NKX6-3: variants seen among roughly 807,000 people sequenced by gnomAD.
NKX6-3 encodes homeobox protein Nkx-6.3.
NKX6-3 carries 17 observed loss-of-function variants against 22.0 expected under a neutral mutation model. The ratio of observed to expected loss-of-function variants is 0.77; its 90% CI spans 0.53 to 1.16. The LOEUF is 1.16. Among genes scored for constraint, NKX6-3 ranks in the 50% most tolerant of loss-of-function variants. The pLI is 0.00. For missense variants in NKX6-3, 363 were observed against 359.0 expected (o/e 1.01, Z -0.09); for synonymous variants, 177 against 167.2 (o/e 1.06, Z -0.45).
At position 41,646,675 on chromosome 8, in the gene NKX6-3, C is replaced by T. The variant is rs748536739; in HGVS notation, c.572G>A (p.Arg191Lys). 1 of 1,542,772 alleles carries T rather than the reference C, an allele frequency of 6.5e-7. No individual in the cohort carries two copies. Among genetic ancestry groups the T allele is most frequent in the South Asian group, 1.2e-5 (1 of 83,976 alleles). Residue 191 changes from arginine to lysine, a missense_variant, in exon 3 of 3, where the codon AGG (arginine) becomes AAG (lysine). Transcript: ENST00000518699. ...GGCGCTCTTCTTCCGCCACTTGGTC[C>T]TGCGGTTCTGGAACCACACCTGCGA... ...SQVKVWFQNR[R>K]TKWRKKSALE...
At position 41,650,264 on chromosome 8, in the gene NKX6-3, C is replaced by T. The variant is rs550795574; in HGVS notation, c.229G>A (p.Val77Met). The T allele has an allele frequency of 4.1e-5, 63 of 1,533,450 alleles. 2 individuals carry two copies. In the South Asian group the frequency reaches 7.1e-4, roughly 17 times the overall value. 95.0% of individuals were successfully genotyped at this position (1,533,450 alleles called of 1,614,324 possible). ...NNSLLSGYPH[V>M]AGFGGLSSQG... ...GAGCTGAGCCCCCCAAAGCCTGCCA[C>T]GTGGGGGTAGCCGGAGAGGAGGCTG... Residue 77 changes from valine to methionine, a missense_variant, in exon 1 of 3, where the codon GTG becomes ATG. Physicochemically the swap from Val to Met is conservative, Grantham distance 21. Transcript: ENST00000518699.
In NKX6-3 at chr8:41,645,936, T is replaced by C. The variant is rs1263690333; in HGVS notation, c.*513A>G. 1.1e-5 allele frequency: 2 copies of C among 181,484 alleles called. No individual in the cohort carries two copies. The highest frequency in any genetic ancestry group is 2.3e-5 in the Non-Finnish European group (2 of 88,432). 11.2% of individuals were successfully genotyped at this position (181,484 alleles called of 1,614,324 possible). On this transcript the variant is annotated 3_prime_UTR_variant, in exon 3 of 3. Coordinates refer to ENST00000518699, the MANE Select transcript of NKX6-3 (RefSeq NM_001364841.2). Reference sequence around the variant, plus strand: ...TGAGGAGTGCACCTGGCCACTCACCTGTCTTTTCTTCTGCAGCCAGCAGCT... The same window carrying C: ...TGAGGAGTGCACCTGGCCACTCACCCGTCTTTTCTTCTGCAGCCAGCAGCT...
At chr8:41,647,272 G>A in intron 2 of NKX6-3, 3 of 1,608,670 alleles carry the variant, frequency 1.9e-6, no homozygotes, top group South Asian at 1.1e-5. Flanking sequence ...CGGCTGATGA[G>A]GAGGGCGCAG....
intron 1 of NKX6-3, among the ~76,000 whole-genome samples, chr8:41,649,484 G>T (rs910409390): frequency 2.0e-5 from 3 of 152,194 alleles, no homozygotes; most frequent in Admixed American, 2.0e-4. Context: ...TGAGGGATGG[G>T]TCGGCTGAGA....
chr8:41,648,323 C>A, intron 1 of NKX6-3, 88 bp from the exon 2 acceptor site: 2 of 1,147,950 alleles, frequency 1.7e-6, no homozygotes, highest in Non-Finnish European at 2.4e-6. Context: ...CCATGCCTGC[C>A]CCTCTCCCTC....
At position 41,646,347 on chromosome 8, in the gene NKX6-3, A is replaced by T; in HGVS notation, c.*102T>A. 2.1e-6 allele frequency: 3 copies of T among 1,422,150 alleles called. No individual in the cohort carries two copies. Among genetic ancestry groups the T allele is most frequent in the African/African-American group, 1.5e-5 (1 of 67,360 alleles). The allele number at this position is 1,422,150 out of a possible 1,614,324, so 88.1% of individuals were successfully genotyped here. On this transcript the variant is annotated 3_prime_UTR_variant, in exon 3 of 3. Coordinates refer to ENST00000518699, the MANE Select transcript of NKX6-3 (RefSeq NM_001364841.2). ...GCGCCCCTCATCCAAAGAAAGACTC[A>T]GTCCCTGCGCCCCCAGGAGCGTGGG... is the stretch of plus-strand genomic sequence containing the variant.
At position 41,650,121 on chromosome 8, in the gene NKX6-3, C is replaced by T; in HGVS notation, c.372G>A (p.Gln124=). 1 of 1,534,558 alleles carries T rather than the reference C, an allele frequency of 6.5e-7. No homozygotes were observed. Among genetic ancestry groups the T allele is most frequent in the Non-Finnish European group, 8.7e-7 (1 of 1,146,118 alleles). ...AGGACCCGTACTCACTGTTGCTGCA[C>T]TGCCGCCCGCCTCGCCAGTCTTGGC... The part of the protein sequence containing the change: ...DTGQDWRGGR[Q]CSNTPDPLSD... Residue 124 remains glutamine, a synonymous_variant, in exon 1 of 3, where the codon CAG becomes CAA. Coordinates refer to ENST00000518699, the MANE Select transcript of NKX6-3 (RefSeq NM_001364841.2).
In NKX6-3 at chr8:41,650,318, G is replaced by T; in HGVS notation, c.175C>A (p.Leu59Met). The change falls in exon 1 of 3, where the codon CTG (leucine) becomes ATG (methionine). Residue 59 changes from leucine to methionine, a missense_variant. Leu to Met is a conservative substitution (Grantham distance 15, BLOSUM62 2). Around this residue, in one of 3 missense-constraint regions of NKX6-3, gnomAD observed 175 missense variants for 160.9 expected, o/e 1.09. Coordinates refer to ENST00000518699, the MANE Select transcript of NKX6-3 (RefSeq NM_001364841.2). ...TTCGGCGCAGCCACGGGCCTGCTCA[G>T]GATGTCCGTGATCCCGTGGGGGGTT... ...AGTPHGITDI[L>M]SRPVAAPNNS... 1 of 1,535,106 alleles carries T rather than the reference G, an allele frequency of 6.5e-7. No homozygotes were observed. The highest frequency in any genetic ancestry group is 1.4e-5 in the African/African-American group (1 of 73,152).
chr8:41,648,494 C>G (rs991539203), intron 1 of NKX6-3, among the ~76,000 whole-genome samples: 6 of 152,196 alleles, frequency 3.9e-5, no homozygotes, highest in African/African-American at 1.4e-4. Context: ...CCTCATGCCT[C>G]TCTGTCTAAA....
chr8:41,650,750 G>T lies in NKX6-3; in HGVS notation c.-258C>A, dbSNP rs1442524596. On this transcript the variant is annotated 5_prime_UTR_variant, in exon 1 of 3. Coordinates refer to ENST00000518699, the MANE Select transcript of NKX6-3 (RefSeq NM_001364841.2). ...CTCCTTGCCCTGGCCGGACAGGGTG[G>T]CCCCCTAAGCCTCAGCTCAGACCCC... The T allele has an allele frequency of 8.6e-6, 4 of 466,206 alleles. No homozygotes were observed. The highest frequency in any genetic ancestry group is 1.5e-5 in the Non-Finnish European group (4 of 259,862). 28.9% of individuals were successfully genotyped at this position (466,206 alleles called of 1,614,324 possible). A position where few individuals can be genotyped will look rare whatever the true frequency, so the allele number is the denominator to read the frequency against.
At chr8:41,646,730 C>A in intron 2 of NKX6-3, 36 bp from the exon 3 acceptor site, 2 of 1,523,018 alleles carry the variant, frequency 1.3e-6, no homozygotes, top group South Asian at 2.4e-5. Context: ...CACAGGGGCA[C>A]AGCGCGCACG....
rs1320071474 is a variant in NKX6-3 at position 41,645,767 on chromosome 8, C to CTCAGGGGCCGTCA, written c.*669_*681dup. On this transcript the variant is annotated 3_prime_UTR_variant, in exon 3 of 3. Transcript: ENST00000518699. ...AAGGAGGCCAGGGGGATTTCCGCAGCTCAGGGGCCGTCATCCTGCAGTGTC... is the reference window on the plus strand; with the variant it reads ...AAGGAGGCCAGGGGGATTTCCGCAGCTCAGGGGCCGTCATCAGGGGCCGTCATCCTGCAGTGTC... The CTCAGGGGCCGTCA allele has an allele frequency of 6.6e-6, 1 of 152,510 alleles. No individual in the cohort carries two copies. The highest frequency in any genetic ancestry group is 2.4e-5 in the African/African-American group (1 of 41,460). 9.4% of individuals were successfully genotyped at this position (152,510 alleles called of 1,614,324 possible).
In NKX6-3 at chr8:41,646,155, G is replaced by A. The variant is rs561640736; in HGVS notation, c.*294C>T. The A allele has an allele frequency of 3.0e-4, 157 of 520,490 alleles. No individual in the cohort carries two copies. The highest frequency in any genetic ancestry group is 2.4e-3 in the South Asian group (91 of 38,170). 32.2% of individuals were successfully genotyped at this position (520,490 alleles called of 1,614,324 possible). Reference sequence around the variant, plus strand: ...TTGTGAATCTGCAGAACTGGCAGGCGAGGCCCGAGGAGGTGCAAGGGGCAG... The same window carrying A: ...TTGTGAATCTGCAGAACTGGCAGGCAAGGCCCGAGGAGGTGCAAGGGGCAG... On this transcript the variant is annotated 3_prime_UTR_variant, in exon 3 of 3. Transcript: ENST00000518699.
At chr8:41,649,345 G>C (rs186200256) in intron 1 of NKX6-3, among the ~76,000 whole-genome samples, 7 of 152,288 alleles carry the variant, frequency 4.6e-5, no homozygotes, top group Admixed American at 3.3e-4. Context: ...ACGTGGGCAG[G>C]GCTTCGGTGG....
Position 41,650,791 on chromosome 8 carries a change from T to C in NKX6-3, c.-299A>G. 2.1e-5 allele frequency: 7 copies of C among 340,554 alleles called. No homozygotes were observed. In the South Asian group the frequency reaches 2.4e-4, roughly 12 times the overall value. 21.1% of individuals were successfully genotyped at this position (340,554 alleles called of 1,614,324 possible). A position where few individuals can be genotyped will look rare whatever the true frequency, so the allele number is the denominator to read the frequency against. On this transcript the variant is annotated 5_prime_UTR_variant, in exon 1 of 3. Transcript: ENST00000518699. ...CTCAGACCCCCTTTCTGCCTCTGAG[T>C]CGGGGGACCCTCCATGAGAAGTTTT...
chr8:41,649,563 G>T (rs1175569589), intron 1 of NKX6-3, among the ~76,000 whole-genome samples: 2 of 152,220 alleles, frequency 1.3e-5, no homozygotes, highest in African/African-American at 4.8e-5. Flanking sequence ...CCCGAGACAG[G>T]CTACTTGGTG....
In NKX6-3 at chr8:41,646,656, CTT is replaced by C; in HGVS notation, c.589_590del (p.Lys197GlufsTer104). On this transcript the variant is annotated frameshift_variant, in exon 3 of 3. Coordinates refer to ENST00000518699, the MANE Select transcript of NKX6-3 (RefSeq NM_001364841.2). LOFTEE classifies it high-confidence loss of function. ...FQNRRTKWRK[K>X]SALEPSSSTP... ...TGGAGGACGAGGGCTCCAGGGCGCT[CTT>C]CTTCCGCCACTTGGTCCTGCGGTTC... is the stretch of plus-strand genomic sequence containing the variant. 1 of 1,545,940 alleles carries C rather than the reference CTT, an allele frequency of 6.5e-7. No homozygotes were observed.
chr8:41,650,072 G>A, intron 1 of NKX6-3, 39 bp downstream of exon 1: 3 of 1,504,352 alleles, frequency 2.0e-6, no homozygotes, highest in South Asian at 2.6e-5. Flanking sequence ...CCGGGGCCTG[G>A]CGGGTGCCGG....
rs537898876 is a variant in NKX6-3, at chr8:41,647,576, C to T, written c.552+490G>A. Reference sequence around the variant, plus strand: ...TCTGATCCTGCTTAGTAGAAGGAGACGTTGTCTTCATCTTAAGGATTGGTA... The same window carrying T: ...TCTGATCCTGCTTAGTAGAAGGAGATGTTGTCTTCATCTTAAGGATTGGTA... On this transcript the variant is annotated intron_variant, in intron 2 of 2. Transcript: ENST00000518699. Among the ~76,000 whole-genome samples the T allele has an allele frequency of 5.3e-5, 8 of 152,332 alleles. No homozygotes were observed. In the South Asian group the frequency reaches 1.0e-3, roughly 20 times the overall value.
Sources: allele counts gnomAD v4.1 joint callset (sites outside exome capture counted in the v4.1 genomes callset), GRCh38; gene constraint gnomAD v4.1.1; regional missense constraint gnomAD v4.1.1; transcripts MANE v1.5; gene names NCBI Gene and HGNC (gene_info 2026-07-23, HGNC 2026-07-21).